GRM3: variants seen among roughly 807,000 people sequenced by gnomAD.
GRM3 encodes glutamate metabotropic receptor 3.
GRM3 carries 26 observed loss-of-function variants against 70.5 expected under a neutral mutation model. That is an observed-to-expected ratio of 0.37 (90% CI 0.27 to 0.51). GRM3 has a LOEUF of 0.51. Among genes scored for constraint, GRM3 ranks in the 20% least tolerant of loss-of-function variants. The probability of loss-of-function intolerance (pLI) is 0.93; values close to 1 mark genes in which losing one functional copy is unlikely to be tolerated. For synonymous variants in GRM3, 443 were observed against 434.9 expected (o/e 1.02, Z -0.23); for missense variants, 859 against 1,123.8 (o/e 0.76, Z 3.37).
chr7:86,820,645 G>A (rs148077957), intron 3 of GRM3, among the ~76,000 whole-genome samples: 16 of 152,178 alleles, frequency 1.1e-4, no homozygotes, highest in African/African-American at 3.6e-4. Flanking sequence ...AATATCAGCT[G>A]ATATTTAGGG....
intron 3 of GRM3, among the ~76,000 whole-genome samples, chr7:86,817,483 G>C (rs1292217044): frequency 1.3e-5 from 2 of 151,566 alleles, no homozygotes; most frequent in African/African-American, 4.8e-5. Context: ...TCCTATATAG[G>C]GTACTCTGTT....
intron 1 of GRM3, among the ~76,000 whole-genome samples, chr7:86,661,994 A>G (rs919247960): frequency 6.6e-6 from 1 of 151,938 alleles, no homozygotes; most frequent in African/African-American, 2.4e-5. Context: ...ACTCATATTT[A>G]TGGTGAATCT....
chr7:86,712,464 C>G (rs954934418), intron 1 of GRM3, among the ~76,000 whole-genome samples: 12 of 151,966 alleles, frequency 7.9e-5, no homozygotes, highest in African/African-American at 2.9e-4. Context: ...TATACATCAC[C>G]TTGAATATTT....
Position 86,839,415 on chromosome 7 carries a change from C to T in GRM3, c.1901C>T (p.Ala634Val). 6.2e-7 allele frequency: 1 copy of T among 1,613,942 alleles called. No individual in the cohort carries two copies. Among genetic ancestry groups the T allele is most frequent in the South Asian group, 1.1e-5 (1 of 91,084 alleles). ...LSYCMTFFFI[A>V]KPSPVICALR... The stretch of plus-strand genomic sequence containing the variant: ...TACTGCATGACATTCTTCTTCATTG[C>T]CAAGCCATCACCAGTCATCTGTGCA... Residue 634 changes from alanine to valine, a missense_variant, in exon 4 of 6, where the codon GCC (alanine) becomes GTC (valine). Physicochemically the swap from Ala to Val is moderately conservative, Grantham distance 64 (BLOSUM62 0). Transcript: ENST00000361669. The surrounding 1 kb of genome is among the most constrained non-coding windows in gnomAD (Gnocchi z 4.5).
Position 86,765,505 on chromosome 7 carries a change from G to A in GRM3, c.360G>A (p.Val120=), listed in dbSNP as rs1376009674. ...LEFVRASLTK[V]DEAEYMCPDG... is the part of the protein sequence containing the mutation. The stretch of plus-strand genomic sequence containing the variant: ...TTGTCAGGGCATCTTTGACAAAAGT[G>A]GATGAAGCTGAGTATATGTGTCCTG... Residue 120 remains valine (V), a synonymous_variant, in exon 2 of 6, where the codon GTG becomes GTA. Coordinates refer to ENST00000361669, the MANE Select transcript of GRM3 (RefSeq NM_000840.3). 2 of 1,613,762 alleles carry A rather than the reference G, an allele frequency of 1.2e-6. No individual in the cohort carries two copies. The highest frequency in any genetic ancestry group is 1.7e-6 in the Non-Finnish European group (2 of 1,179,866).
At chr7:86,856,317 G>A (rs1798844523) in intron 5 of GRM3, among the ~76,000 whole-genome samples, 1 of 151,980 alleles carries the variant, frequency 6.6e-6, no homozygotes, top group East Asian at 1.9e-4. Flanking sequence ...ATGGTGGTGT[G>A]CAGCTGTAAT....
At chr7:86,689,460 C>G (rs1342392557) in intron 1 of GRM3, among the ~76,000 whole-genome samples, 1 of 152,028 alleles carries the variant, frequency 6.6e-6, no homozygotes, top group South Asian at 2.1e-4. Context: ...GGATAAATTC[C>G]TAATGTAAAA....
intron 1 of GRM3, among the ~76,000 whole-genome samples, chr7:86,666,292 T>TA (rs1794024456): frequency 6.6e-6 from 1 of 152,042 alleles, no homozygotes. Context: ...ATAGCTTACT[T>TA]ACAGAAGCAA....
chr7:86,824,973 C>G (rs1798202385), intron 3 of GRM3, among the ~76,000 whole-genome samples: 1 of 152,122 alleles, frequency 6.6e-6, no homozygotes, highest in Admixed American at 6.5e-5. Flanking sequence ...GGGAGATTTT[C>G]TAAAAAGGGA....
chr7:86,669,269 A>G (rs1300446766), intron 1 of GRM3, among the ~76,000 whole-genome samples: 1 of 152,200 alleles, frequency 6.6e-6, no homozygotes, highest in Non-Finnish European at 1.5e-5. Context: ...CCCAGTCATC[A>G]GTATTTTTCA....
chr7:86,740,781 A>C (rs904810225), intron 1 of GRM3, among the ~76,000 whole-genome samples: 3 of 142,520 alleles, frequency 2.1e-5, no homozygotes, highest in Non-Finnish European at 3.1e-5. Flanking sequence ...AGGACTTCCA[A>C]CTCACTTCAT....
At chr7:86,681,995 C>G (rs1794453349) in intron 1 of GRM3, among the ~76,000 whole-genome samples, 1 of 152,134 alleles carries the variant, frequency 6.6e-6, no homozygotes, top group South Asian at 2.1e-4. Flanking sequence ...AGTATATACC[C>G]CACACTTTCA....
chr7:86,703,503 G>A (rs538968787), intron 1 of GRM3, among the ~76,000 whole-genome samples: 15 of 152,096 alleles, frequency 9.9e-5, no homozygotes, highest in African/African-American at 3.4e-4. Context: ...AAACACATCA[G>A]AAGAGTGTGT....
At position 86,852,214 on chromosome 7, in the gene GRM3, A is replaced by T. The variant is rs188613760; in HGVS notation, c.2566+1670A>T. ...TGGCCAGGCTTTGCAGAGAGAATAAAAAGAAGGTTATCCAAGCAAAATTGT... is the reference window on the plus strand; with the variant it reads ...TGGCCAGGCTTTGCAGAGAGAATAATAAGAAGGTTATCCAAGCAAAATTGT... On this transcript the variant is annotated intron_variant, in intron 5 of 5. Coordinates refer to ENST00000361669, the MANE Select transcript of GRM3 (RefSeq NM_000840.3). Among the ~76,000 whole-genome samples the T allele has an allele frequency of 4.9e-3, 749 of 152,284 alleles. 1 individual carries two copies. The highest frequency in any genetic ancestry group is 6.3e-3 in the Non-Finnish European group (429 of 68,010).
At chr7:86,701,116 A>T (rs934011748) in intron 1 of GRM3, among the ~76,000 whole-genome samples, 3 of 151,882 alleles carry the variant, frequency 2.0e-5, no homozygotes, top group Non-Finnish European at 2.9e-5. Flanking sequence ...ACTTTTTTTT[A>T]ATAACAATAA....
At chr7:86,789,458 A>G (rs1797352331) in intron 3 of GRM3, among the ~76,000 whole-genome samples, 1 of 152,254 alleles carries the variant, frequency 6.6e-6, no homozygotes, top group Non-Finnish European at 1.5e-5. Context: ...TAGGTAAAAG[A>G]TTATAAGTAT....
intron 1 of GRM3, among the ~76,000 whole-genome samples, chr7:86,696,491 C>T (rs1794820182): frequency 6.6e-6 from 1 of 152,042 alleles, no homozygotes; most frequent in Non-Finnish European, 1.5e-5. Context: ...TGGTTTTAGC[C>T]CTGGACTTAT....
chr7:86,821,046 GC>G (rs1397155208), intron 3 of GRM3, among the ~76,000 whole-genome samples: 1 of 152,106 alleles, frequency 6.6e-6, no homozygotes, highest in Non-Finnish European at 1.5e-5. Flanking sequence ...CACCCCTGTA[GC>G]AGAGGTAATA....
chr7:86,676,564 C>A lies in GRM3; in HGVS notation c.-141+31692C>A, dbSNP rs375336569. Among the ~76,000 whole-genome samples, 3 of 151,908 alleles carry A rather than the reference C, an allele frequency of 2.0e-5. 1 individual carries two copies. Among genetic ancestry groups the A allele is most frequent in the South Asian group, 4.1e-4 (2 of 4,830 alleles). On this transcript the variant is annotated intron_variant, in intron 1 of 5. Coordinates refer to ENST00000361669, the MANE Select transcript of GRM3 (RefSeq NM_000840.3). ...GTATATTCTAATTTAATGGTATAAT[C>A]AGTGACTAAAATATGTAAAAGTTAT... is the stretch of plus-strand genomic sequence containing the variant.
Sources: allele counts gnomAD v4.1 joint callset (sites outside exome capture counted in the v4.1 genomes callset), GRCh38; gene constraint gnomAD v4.1.1; non-coding constraint Gnocchi (gnomAD v3.1); transcripts MANE v1.5; gene names NCBI Gene and HGNC (gene_info 2026-07-23, HGNC 2026-07-21).